RFESD: variants seen among roughly 807,000 people sequenced by gnomAD.
RFESD encodes the protein Rieske domain-containing protein.
In RFESD, 16 loss-of-function variants were observed where a neutral mutation model predicts 24.4. The observed-to-expected ratio is 0.66, with a 90% CI of 0.44 to 1.00. The LOEUF (loss-of-function observed/expected upper bound fraction) is 1.00. Ranked by LOEUF, RFESD falls within the 50% of genes least tolerant of loss-of-function variation. The pLI is 0.00. For synonymous variants in RFESD, 59 were observed against 81.8 expected (o/e 0.72, Z 1.50); for missense variants, 208 against 247.0 (o/e 0.84, Z 1.06).
chr5:95,651,097 CAAAAAAAA>C (rs1006612798), intron 1 of RFESD, among the ~76,000 whole-genome samples: 17 of 48,360 alleles, frequency 3.5e-4, no homozygotes, highest in African/African-American at 1.3e-3. Flanking sequence ...GACTCCGTCT[CAAAAAAAA>C]AAAAAAAAAA....
chr5:95,653,076 CT>C (rs1428988632), intron 2 of RFESD, 40 bp from the exon 3 acceptor site: 1 of 1,549,346 alleles, frequency 6.5e-7, no homozygotes, highest in Admixed American at 2.0e-5. Context: ...TTCACCAAGA[CT>C]TTTCTTTCCT....
chr5:95,652,466 T>C, intron 2 of RFESD, 135 bp downstream of exon 2: 1 of 1,126,780 alleles, frequency 8.9e-7, no homozygotes. Context: ...AAACTCAATA[T>C]GTGTAAAATA....
At chr5:95,655,996 C>T (rs199504941) in intron 5 of RFESD, 50 bp from the exon 6 acceptor site, 2 of 1,565,660 alleles carry the variant, frequency 1.3e-6, no homozygotes, top group East Asian at 4.5e-5. Context: ...CAGAGTCTAT[C>T]AAGAACATTT....
At chr5:95,652,845 T>TA (rs967325240) in intron 2 of RFESD, 4 of 406,484 alleles carry the variant, frequency 9.8e-6, no homozygotes, top group African/African-American at 8.3e-5. Context: ...CATGGACCCC[T>TA]AGCTTTCTGA....
intron 1 of RFESD, among the ~76,000 whole-genome samples, chr5:95,651,397 T>A (rs964292165): frequency 5.3e-5 from 8 of 152,136 alleles, no homozygotes; most frequent in Non-Finnish European, 4.4e-5. Flanking sequence ...AAACTTTTTT[T>A]AAAAAAATAT....
At chr5:95,649,007 C>A (rs774881095) in intron 1 of RFESD, among the ~76,000 whole-genome samples, 1 of 148,608 alleles carries the variant, frequency 6.7e-6, no homozygotes, top group African/African-American at 2.5e-5. Context: ...TAATTCATGA[C>A]CTATGCACAG....
chr5:95,652,555 G>A (rs1750411035), intron 2 of RFESD: 1 of 474,442 alleles, frequency 2.1e-6, no homozygotes, highest in Non-Finnish European at 3.5e-6. Flanking sequence ...TGGCACTACA[G>A]TTCACCTAGC....
chr5:95,652,035 T>G (rs1290880867), intron 1 of RFESD, 102 bp from the exon 2 acceptor site: 3 of 397,436 alleles, frequency 7.5e-6, no homozygotes, highest in Non-Finnish European at 1.3e-5. Flanking sequence ...GACAGTTTCC[T>G]AAGAACCTCG....
intron 1 of RFESD, among the ~76,000 whole-genome samples, chr5:95,651,782 T>G (rs1394817334): frequency 6.6e-6 from 1 of 152,158 alleles, no homozygotes; most frequent in Non-Finnish European, 1.5e-5. Context: ...TAGTCTTGAT[T>G]TTTTTCCCAC....
At chr5:95,648,884 T>C (rs1750205874) in intron 1 of RFESD, among the ~76,000 whole-genome samples, 2 of 148,222 alleles carry the variant, frequency 1.3e-5, no homozygotes, top group East Asian at 3.9e-4. Context: ...TACTTTTTGA[T>C]AGTAGTGCTT....
chr5:95,650,533 A>C (rs1750266333), intron 1 of RFESD, among the ~76,000 whole-genome samples: 1 of 152,172 alleles, frequency 6.6e-6, no homozygotes, highest in African/African-American at 2.4e-5. Flanking sequence ...CTCCTAACAC[A>C]CTAACAGAGA....
At chr5:95,654,488 C>G (rs1750602807) in intron 5 of RFESD, 121 bp downstream of exon 5, 2 of 707,840 alleles carry the variant, frequency 2.8e-6, no homozygotes, top group Admixed American at 5.8e-5. Flanking sequence ...TCTGGGAATT[C>G]ATAAGATAAA....
chr5:95,657,671 A>G lies in RFESD; in HGVS notation c.*1362A>G, dbSNP rs990057640. 3 of 152,128 alleles carry G rather than the reference A, an allele frequency of 2.0e-5. No individual in the cohort carries two copies. Among genetic ancestry groups the G allele is most frequent in the Admixed American group, 6.6e-5 (1 of 15,266 alleles). 9.4% of individuals were successfully genotyped at this position (152,128 alleles called of 1,614,324 possible). On this transcript the variant is annotated 3_prime_UTR_variant, in exon 6 of 6. Transcript: ENST00000380005. Reference sequence around the variant, plus strand: ...TGCTTACTTACCTTTACTACATATTATTACACTTCCTTTTCTGTTGGAGTT... The same window carrying G: ...TGCTTACTTACCTTTACTACATATTGTTACACTTCCTTTTCTGTTGGAGTT...
chr5:95,646,827 G>A lies in RFESD; in HGVS notation c.-136+10G>A, dbSNP rs914919593. Reference sequence around the variant, plus strand: ...CGAGGACTCGGGGACAGTAAGTTCTGTTCTCGCCGCGCAGGGGGCGGGCTG... The same window carrying A: ...CGAGGACTCGGGGACAGTAAGTTCTATTCTCGCCGCGCAGGGGGCGGGCTG... On this transcript the variant is annotated intron_variant, in intron 1 of 5. Transcript: ENST00000380005. The A allele has an allele frequency of 2.0e-5, 3 of 152,526 alleles. No homozygotes were observed. Among genetic ancestry groups the A allele is most frequent in the Non-Finnish European group, 4.4e-5 (3 of 68,206 alleles). The allele number at this position is 152,526 out of a possible 1,614,324, so 9.4% of individuals were successfully genotyped here.
intron 3 of RFESD, 89 bp from the exon 4 acceptor site, chr5:95,653,972 C>G (rs550418632): frequency 1.8e-5 from 19 of 1,028,886 alleles, no homozygotes; most frequent in East Asian, 7.6e-5. Flanking sequence ...TTGAAAAGTC[C>G]GAACTATTCA....
intron 3 of RFESD, among the ~76,000 whole-genome samples, 171 bp from the exon 4 acceptor site, chr5:95,653,890 T>A (rs1166534866): frequency 2.0e-5 from 3 of 152,138 alleles, no homozygotes; most frequent in Non-Finnish European, 4.4e-5. Flanking sequence ...AGAGTGAGAC[T>A]CTGTCTCAAA....
At chr5:95,652,902 G>T in intron 2 of RFESD, 1 of 588,064 alleles carries the variant, frequency 1.7e-6, no homozygotes, top group Non-Finnish European at 2.8e-6. Context: ...TCTCCACAGA[G>T]CCGGGAGCAT....
chr5:95,655,482 A>G (rs1478762110), intron 5 of RFESD: 1 of 152,166 alleles, frequency 6.6e-6, no homozygotes, highest in Non-Finnish European at 1.5e-5. Flanking sequence ...TGTCACCCCA[A>G]CCCCTTAGAC....
intron 1 of RFESD, among the ~76,000 whole-genome samples, chr5:95,650,329 A>G (rs1750256239): frequency 6.6e-6 from 1 of 152,208 alleles, no homozygotes; most frequent in South Asian, 2.1e-4. Context: ...TCTTTTATAC[A>G]TTGAATTCAA....
Sources: gnomAD v4.1 joint callset for allele counts (sites outside exome capture counted in the v4.1 genomes callset) on GRCh38, gnomAD v4.1.1 for gene constraint, MANE v1.5 for transcripts, NCBI Gene and HGNC (gene_info 2026-07-23, HGNC 2026-07-21) for gene names.